The following TBXAS1 variants were observed in gnomAD, a reference collection of about 807,000 sequenced individuals.
TBXAS1 encodes thromboxane A synthase 1, also known as thromboxane-A synthase.
In TBXAS1, 48 loss-of-function variants were observed where a neutral mutation model predicts 60.7. That is an observed-to-expected ratio of 0.79 (90% CI 0.63 to 1.01). The LOEUF (loss-of-function observed/expected upper bound fraction) is 1.01. TBXAS1 is among the 50% of genes least tolerant of loss of function. The pLI is 0.00. For missense variants in TBXAS1, 685 were observed against 686.3 expected, an observed-to-expected ratio of 1.00 and a Z score of 0.02; for synonymous variants, 287 against 269.7, an observed-to-expected ratio of 1.06 and a Z score of -0.63.
Position 139,911,372 on chromosome 7 carries a change from G to A in TBXAS1, c.333+51G>A, listed in dbSNP as rs906646231. ...GATGGATGGGGAATTGTTCTCAGAT[G>A]GAGACACTGCATGTCAGATCCAATG... On this transcript the variant is annotated intron_variant, in intron 4 of 12. Transcript: ENST00000448866. 3 of 1,487,642 alleles carry A rather than the reference G, an allele frequency of 2.0e-6. No individual in the cohort carries two copies. In the African/African-American group the frequency reaches 4.2e-5, roughly 21 times the overall value. 92.2% of individuals were successfully genotyped at this position (1,487,642 alleles called of 1,614,324 possible). A position where few individuals can be genotyped will look rare whatever the true frequency, so the allele number is the denominator to read the frequency against.
At chr7:139,995,853 A>G (rs544908841) in intron 9 of TBXAS1, among the ~76,000 whole-genome samples, 4 of 151,928 alleles carry the variant, frequency 2.6e-5, no homozygotes, top group South Asian at 2.1e-4. Flanking sequence ...TGTTCTCCCA[A>G]ATTCTTTCAG....
intron 1 of TBXAS1, among the ~76,000 whole-genome samples, chr7:139,835,135 C>T (rs557132293): frequency 2.7e-5 from 4 of 150,646 alleles, no homozygotes; most frequent in Non-Finnish European, 5.9e-5. Flanking sequence ...GGCGCGATCT[C>T]GGCTCACTGC....
At chr7:139,837,250 G>C (rs939610295) in intron 1 of TBXAS1, among the ~76,000 whole-genome samples, 5 of 152,222 alleles carry the variant, frequency 3.3e-5, no homozygotes, top group African/African-American at 1.2e-4. Context: ...ACAGTGTAGG[G>C]ATTCCCTAAA....
chr7:139,957,013 C>T (rs1011718171), intron 7 of TBXAS1, among the ~76,000 whole-genome samples: 5 of 152,216 alleles, frequency 3.3e-5, no homozygotes, highest in African/African-American at 1.2e-4. Context: ...AGCCAGTGCC[C>T]CTCTCCAGGG....
At chr7:140,006,058 C>T (rs1204718664) in intron 9 of TBXAS1, among the ~76,000 whole-genome samples, 3 of 152,220 alleles carry the variant, frequency 2.0e-5, no homozygotes, top group Non-Finnish European at 2.9e-5. Context: ...GTAACTGGAA[C>T]GTTGGCGGCT....
At chr7:139,785,845 C>G (rs1797173706) in intron 3 of TBXAS1, among the ~76,000 whole-genome samples, 2 of 150,806 alleles carry the variant, frequency 1.3e-5, no homozygotes, top group African/African-American at 5.0e-5. Context: ...ACAGCTTTGT[C>G]TTTGTACATG....
intron 3 of TBXAS1, among the ~76,000 whole-genome samples, chr7:139,787,121 A>C (rs1463841514): frequency 6.6e-6 from 1 of 152,250 alleles, no homozygotes; most frequent in Non-Finnish European, 1.5e-5. Context: ...TTTAAAAATA[A>C]TTCAACAGCT....
At chr7:139,800,877 A>C (rs1300500954) in intron 4 of TBXAS1, among the ~76,000 whole-genome samples, 1 of 151,850 alleles carries the variant, frequency 6.6e-6, no homozygotes, top group Non-Finnish European at 1.5e-5. Flanking sequence ...ATGTTTAAAA[A>C]CTCATTCAAC....
intron 4 of TBXAS1, among the ~76,000 whole-genome samples, chr7:139,791,960 AT>A (rs971659449): frequency 4.6e-5 from 7 of 151,666 alleles, no homozygotes; most frequent in African/African-American, 1.7e-4. Context: ...ACACTGTTAT[AT>A]TTTTTTCCTG....
At chr7:139,905,663 A>C (rs776804165) in intron 3 of TBXAS1, among the ~76,000 whole-genome samples, 2 of 152,046 alleles carry the variant, frequency 1.3e-5, no homozygotes, top group African/African-American at 2.4e-5. Flanking sequence ...TTCTTTCTCT[A>C]TCTTGTGGAA....
intron 9 of TBXAS1, among the ~76,000 whole-genome samples, chr7:139,988,315 C>T (rs372530113): frequency 2.0e-4 from 31 of 152,254 alleles, no homozygotes; most frequent in African/African-American, 6.5e-4. Context: ...TTAGCCCGAG[C>T]GCCTCCACCT....
At chr7:139,801,468 T>TC (rs1797721695) in intron 4 of TBXAS1, among the ~76,000 whole-genome samples, 1 of 95,152 alleles carries the variant, frequency 1.1e-5, no homozygotes. Context: ...GATCTCTTTG[T>TC]CCTTTTTTTT....
chr7:139,784,127 T>G lies in TBXAS1; in HGVS notation c.-169+1398T>G, dbSNP rs561712931. Among the ~76,000 whole-genome samples the G allele has an allele frequency of 3.4e-4, 51 of 149,920 alleles. No individual in the cohort carries two copies. In the East Asian group the frequency reaches 3.9e-3, roughly 11 times the overall value. Reference sequence around the variant, plus strand: ...ATACTCCTAGCCTGCCTTCCTGCCTTCCTGCCTGCCTGCCTGCCTGCCTTC... The same window carrying G: ...ATACTCCTAGCCTGCCTTCCTGCCTGCCTGCCTGCCTGCCTGCCTGCCTTC... On this transcript the variant is annotated intron_variant, in intron 3 of 16. Coordinates refer to the TBXAS1 transcript ENST00000336425.
chr7:139,864,301 A>G (rs1801192423), intron 1 of TBXAS1, among the ~76,000 whole-genome samples: 1 of 152,134 alleles, frequency 6.6e-6, no homozygotes, highest in African/African-American at 2.4e-5. Context: ...AATGTACGTA[A>G]ATAGCAAAAA....
At chr7:139,814,427 A>G (rs1422663347) in intron 4 of TBXAS1, among the ~76,000 whole-genome samples, 1 of 152,186 alleles carries the variant, frequency 6.6e-6, no homozygotes, top group Non-Finnish European at 1.5e-5. Flanking sequence ...ATCTTGGCCT[A>G]AGTTCACTGA....
chr7:139,995,199 G>A (rs538684237), intron 9 of TBXAS1, among the ~76,000 whole-genome samples: 12 of 152,244 alleles, frequency 7.9e-5, no homozygotes, highest in African/African-American at 2.9e-4. Flanking sequence ...GGAGGGGTCT[G>A]GCACCAGCTT....
chr7:139,867,538 C>T (rs991532856), intron 1 of TBXAS1, among the ~76,000 whole-genome samples: 9 of 152,162 alleles, frequency 5.9e-5, no homozygotes, highest in Non-Finnish European at 1.3e-4. Flanking sequence ...AGGTTTTAGG[C>T]TGGGCACGGT....
chr7:139,784,223 T>TC (rs1797106717), intron 3 of TBXAS1, among the ~76,000 whole-genome samples: 2 of 148,812 alleles, frequency 1.3e-5, no homozygotes, highest in African/African-American at 5.0e-5. Context: ...TCTTTCATTC[T>TC]TTCTCTCTCT....
intron 4 of TBXAS1, among the ~76,000 whole-genome samples, chr7:139,816,195 G>C (rs1798143717): frequency 6.6e-6 from 1 of 152,128 alleles, no homozygotes; most frequent in Non-Finnish European, 1.5e-5. Flanking sequence ...GTTTCCTGAG[G>C]CTACCCCAGC....
Sources: gnomAD v4.1 joint callset for allele counts (sites outside exome capture counted in the v4.1 genomes callset) on GRCh38, gnomAD v4.1.1 for gene constraint, MANE v1.5 for transcripts, NCBI Gene and HGNC (gene_info 2026-07-23, HGNC 2026-07-21) for gene names.